CSMD1: variants seen among roughly 807,000 people sequenced by gnomAD.
The protein encoded by CSMD1 is CUB and sushi domain-containing protein 1.
A neutral mutation model predicts 417.5 loss-of-function variants in CSMD1; 213 were observed. The observed-to-expected ratio is 0.51, with a 90% CI of 0.46 to 0.57. The LOEUF is 0.57. Ranked by LOEUF, CSMD1 falls within the 20% of genes least tolerant of loss-of-function variation. The probability of loss-of-function intolerance (pLI) is 0.00; values close to 1 mark genes in which losing one functional copy is unlikely to be tolerated. For missense variants in CSMD1, 6,923 were observed against 4,529.7 expected (o/e 1.53, Z -15.17); for synonymous variants, 2,862 against 1,736.8 (o/e 1.65, Z -16.11).
chr8:3,324,969 T>C (rs1439619345), intron 23 of CSMD1, among the ~76,000 whole-genome samples: 1 of 152,140 alleles, frequency 6.6e-6, no homozygotes, highest in Non-Finnish European at 1.5e-5. Context: ...AATTTTTACT[T>C]GGTTTAAAAG....
chr8:3,914,226 G>A (rs190020593), intron 5 of CSMD1, among the ~76,000 whole-genome samples: 26 of 152,218 alleles, frequency 1.7e-4, no homozygotes, highest in African/African-American at 6.0e-4. Context: ...ACCTGCAAAA[G>A]GGCTAGAATA....
chr8:4,037,629 T>A (rs1027695353), intron 3 of CSMD1, among the ~76,000 whole-genome samples: 4 of 141,620 alleles, frequency 2.8e-5, no homozygotes, highest in Admixed American at 2.1e-4. Context: ...CTTATATTTA[T>A]CAGGTGTGCT....
In CSMD1 at chr8:3,513,889, G is replaced by T. The variant is rs115191647; in HGVS notation, c.1345-20163C>A. ...TGAAAAAGTAGATAAACACACAAAG[G>T]TTATAACCACAGAATAATTCAGGCC... On this transcript the variant is annotated intron_variant, in intron 10 of 69. Coordinates refer to ENST00000635120, the MANE Select transcript of CSMD1 (RefSeq NM_033225.6). 1.9e-3 allele frequency among the ~76,000 whole-genome samples: 296 copies of T among 152,248 alleles called. 1 individual carries two copies. Among genetic ancestry groups the T allele is most frequent in the African/African-American group, 6.7e-3 (279 of 41,560 alleles).
At chr8:4,264,040 G>T (rs906759337) in intron 3 of CSMD1, among the ~76,000 whole-genome samples, 2 of 152,082 alleles carry the variant, frequency 1.3e-5, no homozygotes, top group African/African-American at 4.8e-5. Flanking sequence ...ATGAACTTGG[G>T]CAAGTTTGTT....
intron 1 of CSMD1, among the ~76,000 whole-genome samples, chr8:4,865,484 A>T (rs1379514499): frequency 6.6e-6 from 1 of 151,816 alleles, no homozygotes; most frequent in Non-Finnish European, 1.5e-5. Flanking sequence ...CAGCTTCAGT[A>T]GGTTTCCTCG....
intron 3 of CSMD1, among the ~76,000 whole-genome samples, chr8:4,216,863 G>C (rs918300253): frequency 6.6e-6 from 1 of 152,204 alleles, no homozygotes; most frequent in Non-Finnish European, 1.5e-5. Context: ...ACACCAGCTT[G>C]ACAGTCTCCC....
intron 5 of CSMD1, among the ~76,000 whole-genome samples, chr8:3,985,733 G>T (rs976260324): frequency 6.8e-6 from 1 of 148,120 alleles, no homozygotes; most frequent in Non-Finnish European, 1.5e-5. Context: ...GATTAAAAAG[G>T]CTGCCTTTAA....
At chr8:4,972,270 T>G (rs13280780) in intron 1 of CSMD1, among the ~76,000 whole-genome samples, 100,859 of 151,608 alleles carry the variant, frequency 0.67, 34,078 homozygotes, top group Middle Eastern at 0.8. Flanking sequence ...GATATTGTTT[T>G]GCTCTGTCAC....
At chr8:4,796,772 C>T (rs940413399) in intron 1 of CSMD1, among the ~76,000 whole-genome samples, 3 of 152,206 alleles carry the variant, frequency 2.0e-5, no homozygotes, top group Admixed American at 6.5e-5. Context: ...CAGTCCCCTT[C>T]CCCTTTTGCA....
At chr8:3,601,260 G>A (rs1036345266) in intron 8 of CSMD1, among the ~76,000 whole-genome samples, 2 of 152,200 alleles carry the variant, frequency 1.3e-5, no homozygotes, top group Non-Finnish European at 2.9e-5. Flanking sequence ...TGGAGGCCAA[G>A]ATTTGGTAGG....
intron 1 of CSMD1, among the ~76,000 whole-genome samples, chr8:4,877,598 C>A (rs1803130478): frequency 6.6e-6 from 1 of 152,024 alleles, no homozygotes; most frequent in Non-Finnish European, 1.5e-5. Flanking sequence ...ACCATTTCTC[C>A]CATCTCACTT....
intron 3 of CSMD1, among the ~76,000 whole-genome samples, chr8:4,353,724 T>G (rs1357429775): frequency 6.7e-6 from 1 of 149,880 alleles, no homozygotes; most frequent in Non-Finnish European, 1.5e-5. Context: ...TGAACCACAG[T>G]TTTTGTTGGG....
At chr8:4,213,689 C>G (rs1034471016) in intron 3 of CSMD1, among the ~76,000 whole-genome samples, 1 of 152,218 alleles carries the variant, frequency 6.6e-6, no homozygotes, top group Non-Finnish European at 1.5e-5. Context: ...TGGGCCCTCC[C>G]TGGTGGGAAG....
chr8:4,143,010 C>T (rs545384624), intron 3 of CSMD1, among the ~76,000 whole-genome samples: 2 of 150,686 alleles, frequency 1.3e-5, no homozygotes, highest in East Asian at 3.9e-4. Flanking sequence ...AAAATGCTCT[C>T]CATTTAGGAA....
At chr8:4,482,641 T>C (rs1251805144) in intron 2 of CSMD1, among the ~76,000 whole-genome samples, 2 of 152,196 alleles carry the variant, frequency 1.3e-5, no homozygotes, top group African/African-American at 4.8e-5. Flanking sequence ...GAATGTTATT[T>C]CTGAATTTAG....
chr8:4,707,173 C>T (rs1807997384), intron 1 of CSMD1, among the ~76,000 whole-genome samples: 2 of 152,156 alleles, frequency 1.3e-5, no homozygotes, highest in African/African-American at 4.8e-5. Flanking sequence ...ATAACTTCCT[C>T]TTATTGAATA....
At chr8:3,852,569 G>A (rs925836063) in intron 5 of CSMD1, among the ~76,000 whole-genome samples, 2 of 152,124 alleles carry the variant, frequency 1.3e-5, no homozygotes, top group Non-Finnish European at 2.9e-5. Context: ...GAGGAGGGAT[G>A]GAGTAGAGGA....
intron 3 of CSMD1, among the ~76,000 whole-genome samples, chr8:4,260,840 A>G (rs530464726): frequency 6.6e-6 from 1 of 152,182 alleles, no homozygotes; most frequent in Non-Finnish European, 1.5e-5. Flanking sequence ...CTTTGTCTCC[A>G]ATAATTGTTT....
intron 2 of CSMD1, among the ~76,000 whole-genome samples, chr8:4,479,941 G>C (rs1225945746): frequency 1.3e-5 from 2 of 150,658 alleles, no homozygotes; most frequent in African/African-American, 2.4e-5. Context: ...ATTCCAGCCT[G>C]GGTGACACAG....
Sources: allele counts gnomAD v4.1 joint callset (sites outside exome capture counted in the v4.1 genomes callset), GRCh38; gene constraint gnomAD v4.1.1; transcripts MANE v1.5; gene names NCBI Gene and HGNC (gene_info 2026-07-23, HGNC 2026-07-21).